The following GAK variants were observed in gnomAD, a reference collection of about 807,000 sequenced individuals.
The protein encoded by GAK is cyclin-G-associated kinase.
GAK carries 79 observed loss-of-function variants against 143.9 expected under a neutral mutation model. The observed-to-expected ratio is 0.55, with a 90% CI of 0.46 to 0.66. The LOEUF is 0.66. GAK is among the 30% of genes least tolerant of loss of function. GAK has a pLI of 0.00. For missense variants in GAK, 1,693 were observed against 1,779.7 expected, an observed-to-expected ratio of 0.95 and a Z score of 0.88; for synonymous variants, 881 against 765.5, an observed-to-expected ratio of 1.15 and a Z score of -2.49.
chr4:871,182 G>A (rs540058949), intron 18 of GAK, among the ~76,000 whole-genome samples: 5 of 152,246 alleles, frequency 3.3e-5, no homozygotes, highest in Admixed American at 6.5e-5. Flanking sequence ...GGATGCCCGC[G>A]ACTGTGTTCA....
intron 11 of GAK, chr4:885,686 G>A (rs1306954881): frequency 6.6e-6 from 1 of 152,214 alleles, no homozygotes; most frequent in South Asian, 2.1e-4. Flanking sequence ...GGCAGCCAGG[G>A]GCTCATGGCC....
chr4:884,005 G>A (rs1293345535), intron 12 of GAK, 32 bp downstream of exon 12: 2 of 1,603,402 alleles, frequency 1.2e-6, no homozygotes, highest in Non-Finnish European at 1.7e-6. Context: ...AAGGGCCGGG[G>A]CGCGTCCCAC....
chr4:914,332 C>CCGGCCCCACACAAACA (rs1396464537), intron 1 of GAK, among the ~76,000 whole-genome samples: 2 of 90,318 alleles, frequency 2.2e-5, no homozygotes, highest in South Asian at 9.0e-4. Flanking sequence ...CTCAGCGTGC[C>CCGGCCCCACACAAACA]CGGCCCCACA....
At chr4:868,455 C>A in intron 20 of GAK, 84 bp downstream of exon 20, 1 of 1,481,154 alleles carries the variant, frequency 6.8e-7, no homozygotes, top group South Asian at 1.2e-5. Flanking sequence ...GGCCCGTCTC[C>A]CAAGACGCTT....
At chr4:865,824 T>C (rs1472458812) in intron 22 of GAK, among the ~76,000 whole-genome samples, 1 of 152,206 alleles carries the variant, frequency 6.6e-6, no homozygotes, top group Non-Finnish European at 1.5e-5. Flanking sequence ...CTCCTTCCCC[T>C]AGGACCACAC....
chr4:849,507 G>A lies in GAK; in HGVS notation c.*166C>T. On this transcript the variant is annotated 3_prime_UTR_variant, in exon 28 of 28. Coordinates refer to ENST00000314167, the MANE Select transcript of GAK (RefSeq NM_005255.4). Reference sequence around the variant, plus strand: ...AAACAACAATCAGAGGCTTTGGAATGCTTTCTCTTCATGTGCCTGGAACGC... The same window carrying A: ...AAACAACAATCAGAGGCTTTGGAATACTTTCTCTTCATGTGCCTGGAACGC... 1 of 598,852 alleles carries A rather than the reference G, an allele frequency of 1.7e-6. No homozygotes were observed. The highest frequency in any genetic ancestry group is 3.0e-6 in the Non-Finnish European group (1 of 328,540). The allele number at this position is 598,852 out of a possible 1,614,324, so 37.1% of individuals were successfully genotyped here. A position where few individuals can be genotyped will look rare whatever the true frequency, so the allele number is the denominator to read the frequency against.
chr4:850,099 G>A, intron 26 of GAK, 31 bp from the exon 27 acceptor site: 1 of 1,534,762 alleles, frequency 6.5e-7, no homozygotes, highest in Non-Finnish European at 8.8e-7. Context: ...GCCGAGCCCT[G>A]GGCACCTGCC....
Position 849,638 on chromosome 4 carries a change from G to C in GAK, c.*35C>G, listed in dbSNP as rs1477468744. ...CAGGTCCCACGACGGCTCCCAACCTGTGGAGCTGTGTGCGCAGCCACCACC... is the reference window on the plus strand; with the variant it reads ...CAGGTCCCACGACGGCTCCCAACCTCTGGAGCTGTGTGCGCAGCCACCACC... On this transcript the variant is annotated 3_prime_UTR_variant, in exon 28 of 28. Transcript: ENST00000314167. The C allele has an allele frequency of 1.3e-6, 2 of 1,535,236 alleles. No individual in the cohort carries two copies. The highest frequency in any genetic ancestry group is 4.6e-5 in the East Asian group (2 of 43,824).
intron 1 of GAK, among the ~76,000 whole-genome samples, chr4:931,777 T>C (rs1487232008): frequency 1.3e-5 from 2 of 151,990 alleles, no homozygotes; most frequent in African/African-American, 2.4e-5. Context: ...CCTACTCTTA[T>C]GACAAGAAAG....
intron 19 of GAK, among the ~76,000 whole-genome samples, chr4:870,475 G>A (rs552904247): frequency 1.3e-5 from 2 of 152,274 alleles, no homozygotes; most frequent in African/African-American, 2.4e-5. Flanking sequence ...CTCTGCCTCC[G>A]TCCCTGCCCA....
chr4:882,074 G>A (rs769309486), intron 14 of GAK, 34 bp from the exon 15 acceptor site: 178 of 1,567,138 alleles, frequency 1.1e-4, no homozygotes, highest in Admixed American at 4.5e-4. Context: ...CGTGCGCCTC[G>A]CACTCATGCA....
intron 5 of GAK, among the ~76,000 whole-genome samples, chr4:901,927 T>C (rs1168703007): frequency 6.6e-6 from 1 of 152,210 alleles, no homozygotes; most frequent in African/African-American, 2.4e-5. Flanking sequence ...CTGCGGATAA[T>C]GGTGTCAAAA....
intron 4 of GAK, among the ~76,000 whole-genome samples, chr4:908,858 G>A (rs982594758): frequency 6.6e-6 from 1 of 152,102 alleles, no homozygotes; most frequent in Non-Finnish European, 1.5e-5. Flanking sequence ...ATTTTTATAA[G>A]CACTCATAAA....
chr4:903,114 C>A (rs569574028), intron 5 of GAK, among the ~76,000 whole-genome samples: 2 of 152,192 alleles, frequency 1.3e-5, no homozygotes, highest in African/African-American at 4.8e-5. Flanking sequence ...CAGCACGGAG[C>A]GCAGGCCCAG....
chr4:899,421 G>C (rs1379194048), intron 5 of GAK, among the ~76,000 whole-genome samples: 1 of 151,670 alleles, frequency 6.6e-6, no homozygotes, highest in East Asian at 1.9e-4. Context: ...GTCAGTACGG[G>C]CTCCCACAGG....
Position 876,515 on chromosome 4 carries a change from G to A in GAK, c.2054+15C>T, listed in dbSNP as rs1247745295. The A allele has an allele frequency of 6.2e-7, 1 of 1,611,816 alleles. No homozygotes were observed. Among genetic ancestry groups the A allele is most frequent in the Non-Finnish European group, 8.5e-7 (1 of 1,177,902 alleles). ...ACCTGTCCCTCCCCACCGAGCACAA[G>A]CGGTACCAACGTACTTGGCAAATTT... On this transcript the variant is annotated intron_variant, in intron 18 of 27. Coordinates refer to ENST00000314167, the MANE Select transcript of GAK (RefSeq NM_005255.4).
rs1751383197 is a variant in GAK at position 867,319 on chromosome 4, A to G, written c.2509T>C (p.Ser837Pro). ...EVSDEGGSPI[S>P]SEGQEPRADP... ...GCCCTGGGTTCCTGGCCCTCGCTGG[A>G]GATCGGGGATCCCCCTTCATCTGAC... The change falls in exon 21 of 28, where the codon TCC (serine) becomes CCC (proline). Residue 837 changes from serine to proline, a missense_variant. Physicochemically the swap from Ser to Pro is moderately conservative, Grantham distance 74. Around this residue, in one of 2 missense-constraint regions of GAK, gnomAD observed 822 missense variants for 788.7 expected, o/e 1.04. Transcript: ENST00000314167. The G allele has an allele frequency of 6.2e-7, 1 of 1,611,038 alleles. No individual in the cohort carries two copies. The highest frequency in any genetic ancestry group is 8.5e-7 in the Non-Finnish European group (1 of 1,178,442).
intron 27 of GAK, 54 bp downstream of exon 27, chr4:849,833 GACCCC>G: frequency 1.7e-6 from 2 of 1,190,140 alleles, no homozygotes; most frequent in Non-Finnish European, 2.3e-6. Flanking sequence ...GGCGGGGCAG[GACCCC>G]CCCCCCGCCC....
chr4:913,632 C>T lies in GAK; in HGVS notation c.182G>A (p.Gly61Glu), dbSNP rs1326862260. Residue 61 changes from glycine (G) to glutamate (E), a missense_variant, in exon 2 of 28, where the codon GGG becomes GAG. Coordinates refer to ENST00000314167, the MANE Select transcript of GAK (RefSeq NM_005255.4). ...CTTTAATGCATACTCTCTGCCACTC[C>T]CCACATCTTGAGCTTCATACACAAA... ...FAFVYEAQDV[G>E]SGREYALKRL... The T allele has an allele frequency of 6.2e-7, 1 of 1,613,716 alleles. No individual in the cohort carries two copies.
Sources: gnomAD v4.1 joint callset for allele counts (sites outside exome capture counted in the v4.1 genomes callset) on GRCh38, gnomAD v4.1.1 for gene constraint, gnomAD v4.1.1 regional missense constraint, MANE v1.5 for transcripts, NCBI Gene and HGNC (gene_info 2026-07-23, HGNC 2026-07-21) for gene names.